GCNT4: variants seen among roughly 807,000 people sequenced by gnomAD.
GCNT4 encodes the protein glucosaminyl (N-acetyl) transferase 4.
Under a neutral mutation model 31.3 loss-of-function variants are expected in GCNT4, and 17 were observed. The observed-to-expected ratio is 0.54, with a 90% CI of 0.37 to 0.81. GCNT4 has a LOEUF of 0.81. Ranked by LOEUF, GCNT4 falls within the 40% of genes least tolerant of loss-of-function variation. The probability of loss-of-function intolerance (pLI) is 0.00; values close to 1 mark genes in which losing one functional copy is unlikely to be tolerated. For missense variants in GCNT4, 503 were observed against 525.5 expected (o/e 0.96, Z 0.42); for synonymous variants, 158 against 190.6 (o/e 0.83, Z 1.41).
chr5:75,049,935 G>A (rs573087601), intron 2 of GCNT4, among the ~76,000 whole-genome samples: 9 of 152,310 alleles, frequency 5.9e-5, no homozygotes, highest in South Asian at 2.1e-4. Context: ...CCAGCACTAA[G>A]GTTTACTGAG....
chr5:75,036,657 G>A (rs1283961849), intron 3 of GCNT4, among the ~76,000 whole-genome samples: 1 of 152,210 alleles, frequency 6.6e-6, no homozygotes, highest in Non-Finnish European at 1.5e-5. Flanking sequence ...GATTTCCATG[G>A]AGAATGAGCC....
intron 3 of GCNT4, among the ~76,000 whole-genome samples, chr5:75,032,571 G>T (rs1164134012): frequency 6.6e-6 from 1 of 151,896 alleles, no homozygotes; most frequent in Non-Finnish European, 1.5e-5. Context: ...CTCCATCCCC[G>T]CTGCCAAGTC....
chr5:75,039,291 A>G (rs1204439313), intron 3 of GCNT4, among the ~76,000 whole-genome samples: 1 of 152,040 alleles, frequency 6.6e-6, no homozygotes, highest in African/African-American at 2.4e-5. Flanking sequence ...CGGGGGTTTC[A>G]CTATGTTGGC....
chr5:75,049,126 C>T (rs1743510438), intron 2 of GCNT4, among the ~76,000 whole-genome samples: 2 of 91,090 alleles, frequency 2.2e-5, no homozygotes, highest in Admixed American at 1.3e-4. Flanking sequence ...AAGCCTCACA[C>T]ATTTGTGATT....
Position 75,029,852 on chromosome 5 carries a change from A to G in GCNT4, c.186T>C (p.His62=), listed in dbSNP as rs73765644. 2.1e-3 allele frequency: 3,377 copies of G among 1,614,112 alleles called. 38 individuals are homozygous for G. The African/African-American group carries it at 0.033, about 16-fold the overall frequency. Residue 62 remains histidine (H), a synonymous_variant, in exon 4 of 4, where the codon CAT becomes CAC. Coordinates refer to ENST00000652361, the MANE Select transcript of GCNT4 (RefSeq NM_001366737.1). The stretch of plus-strand genomic sequence containing the variant: ...CTTCATACCTGACTTCATCCTTAAC[A>G]TGAGTGTATCTGTTTCTTACAAAAG... ...TSPFVRNRYT[H]VKDEVRYEVN... is the part of the protein sequence containing the mutation.
chr5:75,034,267 C>T (rs575911586), intron 3 of GCNT4, among the ~76,000 whole-genome samples: 5 of 152,202 alleles, frequency 3.3e-5, no homozygotes, highest in Non-Finnish European at 7.3e-5. Context: ...TGCATAACAC[C>T]CTTGGGACCC....
In GCNT4 at chr5:75,028,137, T is replaced by A. The variant is rs184493033; in HGVS notation, c.*539A>T. 6.5e-6 allele frequency: 1 copy of A among 152,946 alleles called. No homozygotes were observed. Among genetic ancestry groups the A allele is most frequent in the Admixed American group, 6.5e-5 (1 of 15,302 alleles). 9.5% of individuals were successfully genotyped at this position (152,946 alleles called of 1,614,324 possible). A position where few individuals can be genotyped will look rare whatever the true frequency, so the allele number is the denominator to read the frequency against. On this transcript the variant is annotated 3_prime_UTR_variant, in exon 4 of 4. Transcript: ENST00000652361. ...GCAAGCAGGAAATTGGACTATTCTT[T>A]GAGATTTTTCTGAGGTAGTGAGTCT...
At chr5:75,052,924 G>A (rs1054246705), upstream of GCNT4, 1 of 152,168 alleles carries the variant, frequency 6.6e-6, no homozygotes, top group African/African-American at 2.4e-5. Context: ...GGGCCAGGAC[G>A]GCGGGATGCC....
rs1742976947 is a variant in GCNT4, at chr5:75,027,617, T to A, written c.*1059A>T. ...AGCTTTTATCACTTTAAATCTGGAT[T>A]CCAGTTGGACAGTTGCCAGAGAAGA... On this transcript the variant is annotated 3_prime_UTR_variant, in exon 4 of 4. Transcript: ENST00000652361. 1 of 152,064 alleles carries A rather than the reference T, an allele frequency of 6.6e-6. No individual in the cohort carries two copies. The highest frequency in any genetic ancestry group is 2.1e-4 in the South Asian group (1 of 4,826). The allele number at this position is 152,064 out of a possible 1,614,324, so 9.4% of individuals were successfully genotyped here.
chr5:75,038,208 C>G (rs1743242860), intron 3 of GCNT4, among the ~76,000 whole-genome samples: 1 of 152,096 alleles, frequency 6.6e-6, no homozygotes. Context: ...CAAATCCTAA[C>G]AGAGGTAAAC....
At position 75,047,901 on chromosome 5, in the gene GCNT4, G is replaced by T. The variant is rs1743478981; in HGVS notation, c.-6C>A. The stretch of plus-strand genomic sequence containing the variant: ...TATAAATAAACTGAAACTTACCTTT[G>T]TGTCACCTCCAAAGAAAACCCCAGG... On this transcript the variant is annotated 5_prime_UTR_variant, in exon 3 of 4. Transcript: ENST00000652361. 1 of 151,930 alleles carries T rather than the reference G, an allele frequency of 6.6e-6. No homozygotes were observed. The highest frequency in any genetic ancestry group is 2.4e-5 in the African/African-American group (1 of 41,296). The allele number at this position is 151,930 out of a possible 1,614,324, so 9.4% of individuals were successfully genotyped here.
upstream of GCNT4, among the ~76,000 whole-genome samples, chr5:75,053,393 G>A (rs1402692436): frequency 6.6e-6 from 1 of 152,112 alleles, no homozygotes; most frequent in East Asian, 1.9e-4. Context: ...TTTCCCCGGC[G>A]GGAAAACGAA....
chr5:75,026,953 CAGTT>C lies in GCNT4; in HGVS notation c.*1719_*1722del, dbSNP rs889775603. ...GGGAGCGAGAAGTGGTGTCAGTTGG[CAGTT>C]AGTATTATGAACTTTAAAATGAGCA... On this transcript the variant is annotated 3_prime_UTR_variant, in exon 4 of 4. Transcript: ENST00000652361. 5.9e-5 allele frequency: 9 copies of C among 151,924 alleles called. No individual in the cohort carries two copies. Among genetic ancestry groups the C allele is most frequent in the African/African-American group, 1.9e-4 (8 of 41,374 alleles). 9.4% of individuals were successfully genotyped at this position (151,924 alleles called of 1,614,324 possible). A position where few individuals can be genotyped will look rare whatever the true frequency, so the allele number is the denominator to read the frequency against.
intron 3 of GCNT4, among the ~76,000 whole-genome samples, chr5:75,036,306 C>T (rs1743200436): frequency 6.6e-6 from 1 of 152,078 alleles, no homozygotes; most frequent in African/African-American, 2.4e-5. Flanking sequence ...TAATTCAATC[C>T]CCTCAAGAGA....
chr5:75,025,160 G>A (rs950353345), downstream of GCNT4, among the ~76,000 whole-genome samples: 1 of 152,162 alleles, frequency 6.6e-6, no homozygotes, highest in Non-Finnish European at 1.5e-5. Context: ...GACTCTTTGA[G>A]ACTTTACCAA....
intron 3 of GCNT4, among the ~76,000 whole-genome samples, chr5:75,040,309 CTTG>C (rs1334991059): frequency 6.6e-6 from 1 of 152,100 alleles, no homozygotes; most frequent in Non-Finnish European, 1.5e-5. Flanking sequence ...TATCACACTC[CTTG>C]TTTTCTTCTG....
the GCNT4 span, among the ~76,000 whole-genome samples, chr5:75,018,494 C>G: frequency 1.5e-3 from 232 of 152,192 alleles, no homozygotes; most frequent in African/African-American, 5.1e-3. Flanking sequence ...TTTGGTCAGG[C>G]TGGTCTCAAA....
intron 3 of GCNT4, among the ~76,000 whole-genome samples, chr5:75,032,872 G>GGTGGGTGGGT (rs55942109): frequency 7.0e-4 from 92 of 130,758 alleles, no homozygotes; most frequent in East Asian, 2.1e-3. Context: ...CCCAAATAGG[G>GGTGGGTGGGT]GTGTGTGTGT....
At chr5:75,036,487 G>A (rs1561375469) in intron 3 of GCNT4, among the ~76,000 whole-genome samples, 1 of 152,208 alleles carries the variant, frequency 6.6e-6, no homozygotes, top group African/African-American at 2.4e-5. Context: ...ATGCAATAGT[G>A]TCTCTCAGAA....
Sources: allele counts gnomAD v4.1 joint callset (sites outside exome capture counted in the v4.1 genomes callset), GRCh38; gene constraint gnomAD v4.1.1; transcripts MANE v1.5; gene names NCBI Gene and HGNC (gene_info 2026-07-23, HGNC 2026-07-21).